Variants in DNER observed in about 807,000 individuals in gnomAD.
DNER encodes delta and Notch-like epidermal growth factor-related receptor.
Under a neutral mutation model 78.2 loss-of-function variants are expected in DNER, and 33 were observed. That is an observed-to-expected ratio of 0.42 (90% CI 0.32 to 0.56). The LOEUF (loss-of-function observed/expected upper bound fraction) is 0.56, where lower values mean the gene tolerates loss of function less well. Among genes scored for constraint, DNER ranks in the 20% least tolerant of loss-of-function variants. DNER has a pLI of 0.11. For missense variants in DNER, 918 were observed against 975.3 expected (o/e 0.94, Z 0.78); for synonymous variants, 417 against 384.8 (o/e 1.08, Z -0.98).
chr2:229,419,570 G>C (rs1693721835), intron 8 of DNER, among the ~76,000 whole-genome samples: 1 of 152,094 alleles, frequency 6.6e-6, no homozygotes, highest in Non-Finnish European at 1.5e-5. Context: ...CATAAAAGTA[G>C]GTTAAGCTCA....
At chr2:229,556,912 C>T (rs1259268601) in intron 4 of DNER, among the ~76,000 whole-genome samples, 1 of 152,218 alleles carries the variant, frequency 6.6e-6, no homozygotes, top group African/African-American at 2.4e-5. Flanking sequence ...TGGCTGGAGG[C>T]TCCTTCCAGG....
chr2:229,586,757 C>A, intron 3 of DNER: 1 of 985,880 alleles, frequency 1.0e-6, no homozygotes, highest in Non-Finnish European at 1.2e-6. Context: ...TTACCTCTTC[C>A]CAGAGACTCC....
chr2:229,438,676 C>T (rs1694175639), intron 8 of DNER, among the ~76,000 whole-genome samples: 1 of 152,116 alleles, frequency 6.6e-6, no homozygotes, highest in South Asian at 2.1e-4. Context: ...GCTGACAAAT[C>T]CCAATTTAAT....
chr2:229,569,530 TAAA>T (rs966489508), intron 4 of DNER, among the ~76,000 whole-genome samples: 23 of 151,486 alleles, frequency 1.5e-4, no homozygotes, highest in African/African-American at 5.3e-4. Flanking sequence ...TCAAAAAAAT[TAAA>T]AAAAAAAATT....
At chr2:229,547,421 A>T (rs1160491142) in intron 4 of DNER, among the ~76,000 whole-genome samples, 1 of 152,076 alleles carries the variant, frequency 6.6e-6, no homozygotes, top group Non-Finnish European at 1.5e-5. Context: ...TTGTCTCTCA[A>T]TCCCATCCCT....
At chr2:229,403,043 G>A (rs576344491) in intron 10 of DNER, among the ~76,000 whole-genome samples, 1 of 152,334 alleles carries the variant, frequency 6.6e-6, no homozygotes, top group South Asian at 2.1e-4. Context: ...TACTTTATCT[G>A]ATGGCCTAAG....
chr2:229,645,900 T>A (rs1698709619), intron 1 of DNER, among the ~76,000 whole-genome samples: 1 of 152,152 alleles, frequency 6.6e-6, no homozygotes, highest in Non-Finnish European at 1.5e-5. Context: ...CAAACAACTA[T>A]ATGCACACAG....
intron 1 of DNER, among the ~76,000 whole-genome samples, chr2:229,684,384 G>A (rs1427437943): frequency 2.0e-5 from 3 of 151,546 alleles, no homozygotes; most frequent in Non-Finnish European, 2.9e-5. Flanking sequence ...CCTCTTCATC[G>A]GCTCTTCCTC....
chr2:229,694,079 T>C (rs1474423908), intron 1 of DNER, among the ~76,000 whole-genome samples: 1 of 152,190 alleles, frequency 6.6e-6, no homozygotes, highest in Non-Finnish European at 1.5e-5. Flanking sequence ...CAGCCATGGC[T>C]AAAAGGGGCA....
intron 6 of DNER, among the ~76,000 whole-genome samples, chr2:229,500,449 G>A (rs1048917638): frequency 7.9e-5 from 12 of 152,084 alleles, no homozygotes; most frequent in African/African-American, 2.9e-4. Context: ...GCAAAGTAGT[G>A]TAACTATTAT....
At chr2:229,384,344 A>G (rs1429874274) in intron 11 of DNER, among the ~76,000 whole-genome samples, 2 of 152,208 alleles carry the variant, frequency 1.3e-5, no homozygotes, top group African/African-American at 2.4e-5. Flanking sequence ...CATCACAATT[A>G]AAAGAACTAG....
intron 3 of DNER, chr2:229,586,589 A>C: frequency 1.1e-6 from 1 of 890,212 alleles, no homozygotes; most frequent in Non-Finnish European, 1.3e-6. Flanking sequence ...ATGTCACAGA[A>C]AGCCCATCAA....
intron 8 of DNER, among the ~76,000 whole-genome samples, chr2:229,437,791 A>G (rs1694155393): frequency 6.6e-6 from 1 of 152,258 alleles, no homozygotes; most frequent in Admixed American, 6.5e-5. Context: ...TTCAGGGACT[A>G]TAATGTCACC....
chr2:229,475,784 G>T (rs1186980012), intron 7 of DNER, among the ~76,000 whole-genome samples: 1 of 152,162 alleles, frequency 6.6e-6, no homozygotes, highest in Non-Finnish European at 1.5e-5. Context: ...AGCAATAATA[G>T]GAAAGCATGT....
chr2:229,387,509 GAGAAAGAAAGAA>G (rs67136130), intron 11 of DNER, among the ~76,000 whole-genome samples: 2,334 of 75,848 alleles, frequency 0.031, 49 homozygotes, highest in African/African-American at 0.048. Context: ...GAAAGAAAGA[GAGAAAGAAAGAA>G]AGAAAGAAAG....
intron 1 of DNER, among the ~76,000 whole-genome samples, chr2:229,627,824 T>G: frequency 6.6e-6 from 1 of 152,074 alleles, no homozygotes; most frequent in Admixed American, 6.5e-5. Flanking sequence ...TTGGAGGTAA[T>G]AAAGGGATTA....
chr2:229,576,328 C>CT (rs61419138), intron 4 of DNER, among the ~76,000 whole-genome samples: 4,833 of 118,018 alleles, frequency 0.041, 266 homozygotes, highest in African/African-American at 0.13. Flanking sequence ...GTTTCTCTCT[C>CT]TTTTTTTTTT....
intron 8 of DNER, among the ~76,000 whole-genome samples, chr2:229,421,420 CTG>C (rs939615254): frequency 6.6e-6 from 1 of 150,916 alleles, no homozygotes; most frequent in Non-Finnish European, 1.5e-5. Flanking sequence ...ACATTTAATG[CTG>C]TGTTTTTTTA....
At chr2:229,564,929 A>G (rs1045609308) in intron 4 of DNER, among the ~76,000 whole-genome samples, 2 of 152,132 alleles carry the variant, frequency 1.3e-5, no homozygotes, top group African/African-American at 4.8e-5. Context: ...TGGCTCACAG[A>G]TGGTCATCTT....
Sources: allele counts gnomAD v4.1 joint callset (sites outside exome capture counted in the v4.1 genomes callset), GRCh38; gene constraint gnomAD v4.1.1; transcripts MANE v1.5; gene names NCBI Gene and HGNC (gene_info 2026-07-23, HGNC 2026-07-21).